The following SPOCK3 variants were observed in gnomAD, a reference collection of about 807,000 sequenced individuals.
SPOCK3 encodes SPARC (osteonectin), cwcv and kazal like domains proteoglycan 3, also known as testican-3.
SPOCK3 carries 30 observed loss-of-function variants against 56.6 expected under a neutral mutation model. The ratio of observed to expected loss-of-function variants is 0.53; its 90% CI spans 0.40 to 0.72. SPOCK3 has a LOEUF of 0.72. Ranked by LOEUF, SPOCK3 falls within the 30% of genes least tolerant of loss-of-function variation. The probability of loss-of-function intolerance (pLI) is 0.00; values close to 1 mark genes in which losing one functional copy is unlikely to be tolerated. For synonymous variants in SPOCK3, 196 were observed against 183.3 expected (o/e 1.07, Z -0.56); for missense variants, 527 against 530.0 (o/e 0.99, Z 0.06).
intron 2 of SPOCK3, among the ~76,000 whole-genome samples, chr4:167,232,706 G>A (rs189961737): frequency 1.3e-5 from 2 of 152,266 alleles, no homozygotes; most frequent in African/African-American, 4.8e-5. Context: ...TGATGCTTAA[G>A]CTTTGTTCAT....
At chr4:166,898,615 C>T (rs1420456669) in intron 5 of SPOCK3, among the ~76,000 whole-genome samples, 3 of 152,140 alleles carry the variant, frequency 2.0e-5, no homozygotes, top group Non-Finnish European at 4.4e-5. Context: ...ATTCTTACTT[C>T]CACATCTGAA....
At chr4:166,947,915 T>C (rs577705330) in intron 4 of SPOCK3, among the ~76,000 whole-genome samples, 1 of 152,274 alleles carries the variant, frequency 6.6e-6, no homozygotes, top group African/African-American at 2.4e-5. Context: ...GAAATATACA[T>C]TATTGTTAAC....
At chr4:167,065,049 A>AAAAAAAAAAAAAAAAAAAAAAAAAAAAG (rs1755986323) in intron 2 of SPOCK3, among the ~76,000 whole-genome samples, 1 of 150,122 alleles carries the variant, frequency 6.7e-6, no homozygotes, top group Non-Finnish European at 1.5e-5. Context: ...AAAAAAAAAA[A>AAAAAAAAAAAAAAAAAAAAAAAAAAAAG]AAAAAAAAAA....
chr4:167,154,499 G>A (rs915186480), intron 2 of SPOCK3, among the ~76,000 whole-genome samples: 7 of 152,098 alleles, frequency 4.6e-5, no homozygotes, highest in African/African-American at 1.7e-4. Flanking sequence ...AATGCTAAAA[G>A]ATTATTTTAG....
chr4:166,924,418 C>CTTCTGTTTATTT (rs1738838911), intron 4 of SPOCK3, among the ~76,000 whole-genome samples: 3 of 152,130 alleles, frequency 2.0e-5, no homozygotes, highest in Non-Finnish European at 2.9e-5. Flanking sequence ...CCTTTCAGAA[C>CTTCTGTTTATTT]ACTGTTAATT....
intron 6 of SPOCK3, among the ~76,000 whole-genome samples, chr4:166,865,365 C>T (rs781294798): frequency 1.1e-4 from 16 of 152,024 alleles, no homozygotes; most frequent in African/African-American, 2.2e-4. Context: ...CCTTTGAAAC[C>T]GGCACAAGAC....
chr4:166,989,399 T>C (rs1747529782), intron 4 of SPOCK3, among the ~76,000 whole-genome samples: 1 of 152,124 alleles, frequency 6.6e-6, no homozygotes. Context: ...TATTCTGTTT[T>C]ATATAAGCCT....
Position 167,058,671 on chromosome 4 carries a change from A to T in SPOCK3, c.235+3821T>A, listed in dbSNP as rs906274225. Among the ~76,000 whole-genome samples, 19 of 152,308 alleles carry T rather than the reference A, an allele frequency of 1.2e-4. No individual in the cohort carries two copies. In the Middle Eastern group the frequency reaches 0.01, roughly 82 times the overall value. ...ACTACTTTAAAGTTCATATGGAACCAAAAAAGAGCCCGCATCGCCAAGTCA... is the reference window on the plus strand; with the variant it reads ...ACTACTTTAAAGTTCATATGGAACCTAAAAAGAGCCCGCATCGCCAAGTCA... On this transcript the variant is annotated intron_variant, in intron 3 of 10. Coordinates refer to ENST00000357545, the MANE Select transcript of SPOCK3 (RefSeq NM_001040159.2).
At chr4:166,753,860 C>G (rs573185366) in intron 8 of SPOCK3, among the ~76,000 whole-genome samples, 1 of 151,952 alleles carries the variant, frequency 6.6e-6, no homozygotes, top group Admixed American at 6.6e-5. Flanking sequence ...CAATTGATTC[C>G]ATAAGCCTGA....
intron 8 of SPOCK3, among the ~76,000 whole-genome samples, chr4:166,749,026 T>C (rs1736017202): frequency 7.3e-6 from 1 of 137,394 alleles, no homozygotes; most frequent in South Asian, 2.2e-4. Flanking sequence ...GGAATACTTT[T>C]ACACTGTTGG....
intron 2 of SPOCK3, among the ~76,000 whole-genome samples, chr4:167,066,408 C>T (rs1292761880): frequency 6.6e-6 from 1 of 151,796 alleles, no homozygotes; most frequent in Non-Finnish European, 1.5e-5. Context: ...GCCAAATATC[C>T]TCTGGAAGAA....
intron 3 of SPOCK3, among the ~76,000 whole-genome samples, chr4:167,015,637 C>T (rs76627591): frequency 3.3e-5 from 5 of 152,186 alleles, no homozygotes; most frequent in African/African-American, 4.8e-5. Flanking sequence ...CAATTAATAT[C>T]GCTGCTTACA....
At chr4:166,965,742 T>C (rs1490714003) in intron 4 of SPOCK3, among the ~76,000 whole-genome samples, 1 of 152,028 alleles carries the variant, frequency 6.6e-6, no homozygotes, top group Non-Finnish European at 1.5e-5. Context: ...GTACAGAGAT[T>C]TCTCATATAC....
At chr4:167,233,502 A>G (rs1737397456) in intron 2 of SPOCK3, among the ~76,000 whole-genome samples, 1 of 152,178 alleles carries the variant, frequency 6.6e-6, no homozygotes, top group Non-Finnish European at 1.5e-5. Context: ...GTGCCGCCAA[A>G]CATCCTCCCA....
At chr4:166,880,486 C>CA (rs1489952664) in intron 6 of SPOCK3, among the ~76,000 whole-genome samples, 1 of 152,148 alleles carries the variant, frequency 6.6e-6, no homozygotes, top group African/African-American at 2.4e-5. Flanking sequence ...CCTGTAAATT[C>CA]TCCAGCGTTT....
At chr4:166,947,193 T>C (rs1344737308) in intron 4 of SPOCK3, among the ~76,000 whole-genome samples, 2 of 152,152 alleles carry the variant, frequency 1.3e-5, no homozygotes, top group Non-Finnish European at 2.9e-5. Context: ...GCATTATCTC[T>C]TACATAGAAA....
Position 166,768,408 on chromosome 4 carries a change from G to T in SPOCK3, c.710-13679C>A, listed in dbSNP as rs572987685. Among the ~76,000 whole-genome samples the T allele has an allele frequency of 6.5e-4, 99 of 152,230 alleles. 1 individual carries two copies. The highest frequency in any genetic ancestry group is 6.8e-3 in the Middle Eastern group (2 of 294). On this transcript the variant is annotated intron_variant, in intron 7 of 10. Coordinates refer to ENST00000357545, the MANE Select transcript of SPOCK3 (RefSeq NM_001040159.2). ...GTGGTGAGAAAATCCCTCAGCATTT[G>T]CTTGTCTGTAAAGGATTTTATTTCT...
intron 6 of SPOCK3, among the ~76,000 whole-genome samples, chr4:166,879,757 C>G (rs532996638): frequency 2.2e-4 from 34 of 152,250 alleles, no homozygotes; most frequent in African/African-American, 7.7e-4. Flanking sequence ...TGTCCCAGCT[C>G]ATATCTCTTG....
At chr4:166,843,594 G>A (rs1485520401) in intron 6 of SPOCK3, among the ~76,000 whole-genome samples, 3 of 152,098 alleles carry the variant, frequency 2.0e-5, no homozygotes, top group African/African-American at 7.2e-5. Flanking sequence ...CAACCATCTG[G>A]GAGCTTGAAA....
Sources: gnomAD v4.1 joint callset for allele counts (sites outside exome capture counted in the v4.1 genomes callset) on GRCh38, gnomAD v4.1.1 for gene constraint, MANE v1.5 for transcripts, NCBI Gene and HGNC (gene_info 2026-07-23, HGNC 2026-07-21) for gene names.